Variants in RASGRP3 observed in about 807,000 individuals in gnomAD.
RASGRP3 encodes RAS guanyl releasing protein 3.
RASGRP3 carries 54 observed loss-of-function variants against 82.7 expected under a neutral mutation model. The observed-to-expected ratio is 0.65, with a 90% CI of 0.52 to 0.82. RASGRP3 has a LOEUF of 0.82. Ranked by LOEUF, RASGRP3 falls within the 40% of genes least tolerant of loss-of-function variation. RASGRP3 has a pLI of 0.00. For synonymous variants in RASGRP3, 309 were observed against 300.5 expected, an observed-to-expected ratio of 1.03 and a Z score of -0.29; for missense variants, 861 against 828.9, an observed-to-expected ratio of 1.04 and a Z score of -0.48.
intron 15 of RASGRP3, among the ~76,000 whole-genome samples, chr2:33,556,231 C>CTTTTTTTT (rs573022728): frequency 1.4e-4 from 8 of 57,498 alleles, no homozygotes; most frequent in South Asian, 6.0e-4. Context: ...TTCTAATAAT[C>CTTTTTTTT]TTTTTTTTTT....
chr2:33,494,190 A>G (rs1669104057), intron 1 of RASGRP3, among the ~76,000 whole-genome samples: 2 of 152,202 alleles, frequency 1.3e-5, no homozygotes, highest in Admixed American at 1.3e-4. Flanking sequence ...AAAAGTGGAC[A>G]TATTCTGTGT....
intron 2 of RASGRP3, among the ~76,000 whole-genome samples, chr2:33,470,467 C>T (rs1454772772): frequency 6.6e-6 from 1 of 151,264 alleles, no homozygotes; most frequent in African/African-American, 2.4e-5. Flanking sequence ...GCAAGCTCCG[C>T]CTGACGGGTT....
At position 33,527,191 on chromosome 2, in the gene RASGRP3, C is replaced by A. The variant is rs1476254460; in HGVS notation, c.862C>A (p.Arg288Ser). 1 of 1,614,022 alleles carries A rather than the reference C, an allele frequency of 6.2e-7. No homozygotes were observed. The highest frequency in any genetic ancestry group is 1.7e-5 in the Admixed American group (1 of 60,036). Residue 288 changes from arginine to serine, a missense_variant, in exon 10 of 18, where the codon CGC (arginine) becomes AGC (serine). Arg to Ser is a moderately radical substitution (Grantham distance 110, BLOSUM62 -1). Coordinates refer to ENST00000403687, the MANE Select transcript of RASGRP3 (RefSeq NM_001139488.2). ...CTCCAACGGCAATTACTGCAATTACCGCAAGGCCTTTGCCGACTGCGATGG... is the reference window on the plus strand; with the variant it reads ...CTCCAACGGCAATTACTGCAATTACAGCAAGGCCTTTGCCGACTGCGATGG... ...VSSNGNYCNY[R>S]KAFADCDGFK...
At chr2:33,541,956 T>G (rs1674319475) in intron 12 of RASGRP3, among the ~76,000 whole-genome samples, 1 of 147,030 alleles carries the variant, frequency 6.8e-6, no homozygotes, top group African/African-American at 2.4e-5. Flanking sequence ...AACTATATAA[T>G]ACACTAGTGC....
chr2:33,527,080 C>CG, intron 9 of RASGRP3, 57 bp from the exon 10 acceptor site: 1 of 1,576,556 alleles, frequency 6.3e-7, no homozygotes, highest in African/African-American at 1.3e-5. Context: ...TTGCAGGGCC[C>CG]GGGGGTGTGC....
At chr2:33,481,837 G>A (rs1574299622) in intron 1 of RASGRP3, 1 of 151,934 alleles carries the variant, frequency 6.6e-6, no homozygotes. Flanking sequence ...CTGAGTAGCT[G>A]GGACTACAGG....
intron 2 of RASGRP3, among the ~76,000 whole-genome samples, chr2:33,468,657 C>G (rs1182073013): frequency 6.6e-6 from 1 of 152,136 alleles, no homozygotes; most frequent in Non-Finnish European, 1.5e-5. Context: ...GCCTCGGCCT[C>G]CCAAAGTGCT....
intron 14 of RASGRP3, among the ~76,000 whole-genome samples, chr2:33,553,022 G>C (rs1441790798): frequency 6.6e-6 from 1 of 152,158 alleles, no homozygotes; most frequent in Non-Finnish European, 1.5e-5. Flanking sequence ...GCTACTGTTT[G>C]TTCCTGGCTA....
At chr2:33,487,320 G>C (rs1668482844) in intron 1 of RASGRP3, among the ~76,000 whole-genome samples, 1 of 152,114 alleles carries the variant, frequency 6.6e-6, no homozygotes, top group Admixed American at 6.6e-5. Context: ...ATCAGAGAAA[G>C]AAAAATACCA....
chr2:33,542,545 A>G (rs1674371951), intron 12 of RASGRP3, among the ~76,000 whole-genome samples: 2 of 147,170 alleles, frequency 1.4e-5, no homozygotes, highest in African/African-American at 4.9e-5. Flanking sequence ...TTTATTTTCT[A>G]TTGTCATGGT....
In RASGRP3 at chr2:33,540,918, C is replaced by G. The variant is rs899396057; in HGVS notation, c.1278+1708C>G. ...CACAATTCTGTTACCTACAAAAAAG[C>G]TTGAGATGGGCTCATTTTAGTCACA... On this transcript the variant is annotated intron_variant, in intron 12 of 17. Transcript: ENST00000403687. Among the ~76,000 whole-genome samples, 2 of 145,594 alleles carry G rather than the reference C, an allele frequency of 1.4e-5. 1 individual carries two copies. Among genetic ancestry groups the G allele is most frequent in the Non-Finnish European group, 3.1e-5 (2 of 65,320 alleles).
chr2:33,560,062 G>A (rs1676476820), intron 17 of RASGRP3, among the ~76,000 whole-genome samples: 1 of 152,170 alleles, frequency 6.6e-6, no homozygotes, highest in South Asian at 2.1e-4. Flanking sequence ...ACAGCTTTGA[G>A]ATGTAATTCA....
intron 13 of RASGRP3, among the ~76,000 whole-genome samples, chr2:33,545,201 T>C (rs1674621403): frequency 6.6e-6 from 1 of 152,216 alleles, no homozygotes; most frequent in Non-Finnish European, 1.5e-5. Context: ...CTCTACTTAT[T>C]GATATCTATA....
chr2:33,449,276 TTGCATATATATGCATA>T, intron 2 of RASGRP3, among the ~76,000 whole-genome samples: 1 of 152,248 alleles, frequency 6.6e-6, no homozygotes, highest in East Asian at 1.9e-4. Context: ...CAGAGTTACC[TTGCATATATATGCATA>T]TATGTTTTTT....
intron 13 of RASGRP3, among the ~76,000 whole-genome samples, chr2:33,546,378 G>A (rs372845426): frequency 1.3e-5 from 2 of 148,646 alleles, no homozygotes; most frequent in South Asian, 2.1e-4. Flanking sequence ...AGCCAAGATC[G>A]CACCACTGCA....
At position 33,530,271 on chromosome 2, in the gene RASGRP3, A is replaced by G. The variant is rs542221564; in HGVS notation, c.1083+2859A>G. Among the ~76,000 whole-genome samples the G allele has an allele frequency of 3.3e-5, 5 of 152,298 alleles. No homozygotes were observed. The East Asian group carries it at 9.6e-4, about 29-fold the overall frequency. On this transcript the variant is annotated intron_variant, in intron 10 of 17. Transcript: ENST00000403687. ...TGGCTCCAGCTGAGGTCGCCTGTAT[A>G]TGATGGACAGCCCTGGAGGACAGAA...
Position 33,524,043 on chromosome 2 carries a change from T to C in RASGRP3, c.681T>C (p.Asn227=). The C allele has an allele frequency of 1.2e-6, 2 of 1,613,816 alleles. No individual in the cohort carries two copies. Among genetic ancestry groups the C allele is most frequent in the Non-Finnish European group, 8.5e-7 (1 of 1,179,760 alleles). Residue 227 remains asparagine (N), a synonymous_variant, in exon 8 of 18, where the codon AAT becomes AAC. Coordinates refer to ENST00000403687, the MANE Select transcript of RASGRP3 (RefSeq NM_001139488.2). ...QRAEVITKFI[N]VAKKLLQLKN... ...CAGAAGTCATCACAAAGTTTATCAA[T>C]GTTGCAAAGGTATGTCTGGTAATCA...
Position 33,537,330 on chromosome 2 carries a change from C to CCAACACACA in RASGRP3, c.1162-1762_1162-1761insACACACACA, listed in dbSNP as rs1553359127. 1.1e-4 allele frequency among the ~76,000 whole-genome samples: 11 copies of CCAACACACA among 95,716 alleles called. 1 individual carries two copies. Among genetic ancestry groups the CCAACACACA allele is most frequent in the African/African-American group, 5.0e-4 (11 of 21,928 alleles). The allele number at this position is 95,716 out of a possible 152,430, so 62.8% of individuals were successfully genotyped here. On this transcript the variant is annotated intron_variant, in intron 11 of 17. Coordinates refer to ENST00000403687, the MANE Select transcript of RASGRP3 (RefSeq NM_001139488.2). ...TACACACACACACACACCGCCCCCCCCACACACACACACAAGTATATATAT... is the reference window on the plus strand; with the variant it reads ...TACACACACACACACACCGCCCCCCCCAACACACACACACACACACACAAGTATATATAT...
chr2:33,453,374 T>C (rs1031785188), intron 2 of RASGRP3, among the ~76,000 whole-genome samples: 7 of 152,168 alleles, frequency 4.6e-5, no homozygotes, highest in Admixed American at 2.0e-4. Context: ...GTTGTTCAAA[T>C]TGGTGTTTCT....
Sources: allele counts gnomAD v4.1 joint callset (sites outside exome capture counted in the v4.1 genomes callset), GRCh38; gene constraint gnomAD v4.1.1; transcripts MANE v1.5; gene names NCBI Gene and HGNC (gene_info 2026-07-23, HGNC 2026-07-21).